IL24: variants seen among roughly 807,000 people sequenced by gnomAD.
The protein encoded by IL24 is interleukin 24.
A neutral mutation model predicts 27.6 loss-of-function variants in IL24; 24 were observed. The ratio of observed to expected loss-of-function variants is 0.87; its 90% CI spans 0.63 to 1.22. IL24 has a LOEUF of 1.22. Among genes scored for constraint, IL24 ranks in the 50% most tolerant of loss-of-function variants. The pLI, the probability that IL24 is intolerant of heterozygous loss-of-function variation, is 0.00. For missense variants in IL24, 240 were observed against 237.0 expected (o/e 1.01, Z -0.08); for synonymous variants, 99 against 93.1 (o/e 1.06, Z -0.36).
chr1:206,899,276 G>T, intron 2 of IL24, 44 bp from the exon 3 acceptor site: 1 of 1,595,294 alleles, frequency 6.3e-7, no homozygotes. Context: ...GTAACTCTGG[G>T]TCAGAGGGCC....
intron 3 of IL24, 130 bp downstream of exon 3, chr1:206,899,645 T>TA (rs1319055550): frequency 1.1e-5 from 8 of 726,136 alleles, no homozygotes; most frequent in Non-Finnish European, 1.7e-5. Context: ...GTTTCCCATA[T>TA]AATAACTCTG....
intron 6 of IL24, 123 bp from the exon 7 acceptor site, chr1:206,902,853 G>A (rs539240855): frequency 6.4e-7 from 1 of 1,569,898 alleles, no homozygotes; most frequent in East Asian, 2.3e-5. Context: ...TTCATCAGTG[G>A]GCTCATCCCA....
At chr1:206,901,431 G>A (rs764295147) in intron 4 of IL24, 63 bp from the exon 5 acceptor site, 6 of 1,537,912 alleles carry the variant, frequency 3.9e-6, no homozygotes, top group Non-Finnish European at 5.2e-6. Flanking sequence ...CATGTGGGTT[G>A]TTCCTTCAGG....
chr1:206,902,900 T>G (rs1678451697), intron 6 of IL24, 76 bp from the exon 7 acceptor site: 1 of 1,611,112 alleles, frequency 6.2e-7, no homozygotes, highest in Admixed American at 1.7e-5. Flanking sequence ...TCAGGTCTAT[T>G]TTAGGCATGG....
rs1475724075 is a variant in IL24 at position 206,903,817 on chromosome 1, AT to A, written c.*759del. The A allele has an allele frequency of 1.3e-5, 2 of 152,114 alleles. No individual in the cohort carries two copies. The highest frequency in any genetic ancestry group is 2.9e-5 in the Non-Finnish European group (2 of 68,028). 9.4% of individuals were successfully genotyped at this position (152,114 alleles called of 1,614,324 possible). On this transcript the variant is annotated 3_prime_UTR_variant, in exon 7 of 7. Coordinates refer to ENST00000294984, the MANE Select transcript of IL24 (RefSeq NM_006850.3). ...TGGTGACATTGCACCTGGATGTACT[AT>A]CCAATCTGTGATGACATTCCCTGCT...
At chr1:206,902,199 C>T in intron 6 of IL24, 127 bp downstream of exon 6, 1 of 1,432,218 alleles carries the variant, frequency 7.0e-7, no homozygotes, top group Non-Finnish European at 9.1e-7. Context: ...GCTCCAAAGC[C>T]CCCTGACTTA....
rs778835664 is a variant in IL24, at chr1:206,902,023, G to C, written c.488G>C (p.Arg163Thr). Residue 163 changes from arginine to threonine, a missense_variant, in exon 6 of 7, where the codon AGA becomes ACA. By Grantham distance (71) the Arg-to-Thr change is moderately conservative. Coordinates refer to ENST00000294984, the MANE Select transcript of IL24 (RefSeq NM_006850.3). ...CAAGAAAATGAGATGTTTTCCATCA[G>C]AGACAGTGCACACAGGCGGTTTCTG... is the stretch of plus-strand genomic sequence containing the variant. The part of the protein sequence containing the change: ...PSQENEMFSI[R>T]DSAHRRFLLF... The C allele has an allele frequency of 1.9e-6, 3 of 1,614,124 alleles. No individual in the cohort carries two copies. In the South Asian group the frequency reaches 3.3e-5, roughly 18 times the overall value.
intron 2 of IL24, 89 bp from the exon 3 acceptor site, chr1:206,899,231 C>G: frequency 2.2e-6 from 3 of 1,364,346 alleles, no homozygotes; most frequent in Non-Finnish European, 3.0e-6. Flanking sequence ...TCGAGATTGG[C>G]CCGGGGAGAC....
In IL24 at chr1:206,903,973, G is replaced by A. The variant is rs1678507453; in HGVS notation, c.*914G>A. 6.6e-6 allele frequency: 1 copy of A among 152,366 alleles called. No individual in the cohort carries two copies. The highest frequency in any genetic ancestry group is 1.5e-5 in the Non-Finnish European group (1 of 68,054). The allele number at this position is 152,366 out of a possible 1,614,324, so 9.4% of individuals were successfully genotyped here. On this transcript the variant is annotated 3_prime_UTR_variant, in exon 7 of 7. Transcript: ENST00000294984. ...AGCAAGGCTGTGCATCTAGCCTCAA[G>A]CTCTGGCTGAACTTTGTGGTCGACA...
In IL24 at chr1:206,901,993, T is replaced by C. The variant is rs376493626; in HGVS notation, c.463-5T>C. ...TGGCACAACTTCTTTTCCCATGTTA[T>C]GTAGCAAGAAAATGAGATGTTTTCC... On this transcript the variant is annotated splice_polypyrimidine_tract_variant and splice_region_variant and intron_variant, in intron 5 of 6. Coordinates refer to ENST00000294984, the MANE Select transcript of IL24 (RefSeq NM_006850.3). 33 of 1,613,882 alleles carry C rather than the reference T, an allele frequency of 2.0e-5. No homozygotes were observed. The highest frequency in any genetic ancestry group is 2.6e-5 in the Non-Finnish European group (31 of 1,179,930).
chr1:206,902,609 T>C, intron 6 of IL24: 1 of 985,052 alleles, frequency 1.0e-6, no homozygotes, highest in Non-Finnish European at 1.2e-6. Flanking sequence ...TTTAAATAAA[T>C]GGTGAAGAGC....
chr1:206,900,599 A>G (rs1304747583), intron 4 of IL24, among the ~76,000 whole-genome samples: 2 of 152,214 alleles, frequency 1.3e-5, no homozygotes, highest in Non-Finnish European at 2.9e-5. Flanking sequence ...TTCTCCATTT[A>G]GCCAGAGAAT....
Position 206,897,630 on chromosome 1 carries a change from T to G in IL24, c.-103+15T>G. On this transcript the variant is annotated intron_variant, in intron 1 of 6. Transcript: ENST00000294984. The stretch of plus-strand genomic sequence containing the variant: ...CAGGACCAGAGGTGAGCATGGGGGA[T>G]TCTTGGTTACTTTTTTTTGAAGGAC... 2 of 450,436 alleles carry G rather than the reference T, an allele frequency of 4.4e-6. No individual in the cohort carries two copies. Among genetic ancestry groups the G allele is most frequent in the Non-Finnish European group, 8.0e-6 (2 of 250,660 alleles). The allele number at this position is 450,436 out of a possible 1,614,324, so 27.9% of individuals were successfully genotyped here. A position where few individuals can be genotyped will look rare whatever the true frequency, so the allele number is the denominator to read the frequency against.
At chr1:206,898,986 C>T (rs912675274) in intron 2 of IL24, among the ~76,000 whole-genome samples, 2 of 152,202 alleles carry the variant, frequency 1.3e-5, no homozygotes, top group African/African-American at 4.8e-5. Context: ...CCCATTTCTC[C>T]ACTCTTCTGG....
At chr1:206,899,577 G>A in intron 3 of IL24, 62 bp downstream of exon 3, 1 of 1,321,204 alleles carries the variant, frequency 7.6e-7, no homozygotes, top group Non-Finnish European at 1.0e-6. Context: ...GGCCAGTGGG[G>A]CGAGGGGATG....
In IL24 at chr1:206,903,271, AG is replaced by A; in HGVS notation, c.*213del. 3 of 518,414 alleles carry A rather than the reference AG, an allele frequency of 5.8e-6. No individual in the cohort carries two copies. The East Asian group carries it at 9.2e-5, about 16-fold the overall frequency. The allele number at this position is 518,414 out of a possible 1,614,324, so 32.1% of individuals were successfully genotyped here. On this transcript the variant is annotated 3_prime_UTR_variant, in exon 7 of 7. Coordinates refer to ENST00000294984, the MANE Select transcript of IL24 (RefSeq NM_006850.3). ...TCTGGATGCTGTGAAGAGTCTACAGAGAAGATTCTTGTATTTATTACAACTC... is the reference window on the plus strand; with the variant it reads ...TCTGGATGCTGTGAAGAGTCTACAGAAAGATTCTTGTATTTATTACAACTC...
intron 3 of IL24, 39 bp from the exon 4 acceptor site, chr1:206,900,256 C>T: frequency 6.3e-7 from 1 of 1,591,588 alleles, no homozygotes; most frequent in Non-Finnish European, 8.6e-7. Flanking sequence ...TCTATGCTGA[C>T]CCCTAACCTG....
rs538177298 is a variant in IL24 at position 206,899,062 on chromosome 1, C to T, written c.45-258C>T. Among the ~76,000 whole-genome samples, 3 of 152,102 alleles carry T rather than the reference C, an allele frequency of 2.0e-5. No homozygotes were observed. The South Asian group carries it at 6.2e-4, about 32-fold the overall frequency. On this transcript the variant is annotated intron_variant, in intron 2 of 6. Transcript: ENST00000294984. ...CGATGGAGAAGGAGGAGGTGCAGGGCGTGTGGGTGTGGACGGGCAAGGTGG... is the reference window on the plus strand; with the variant it reads ...CGATGGAGAAGGAGGAGGTGCAGGGTGTGTGGGTGTGGACGGGCAAGGTGG...
rs767941768 is a variant in IL24 at position 206,897,791 on chromosome 1, G to A, written c.-42G>A. ...CCAATTTAACACCAAGAAGAATTGA[G>A]GCTGCTTGGGAGGAAGGCCAGGAGG... On this transcript the variant is annotated 5_prime_UTR_variant, in exon 2 of 7. Coordinates refer to ENST00000294984, the MANE Select transcript of IL24 (RefSeq NM_006850.3). 1 of 1,610,608 alleles carries A rather than the reference G, an allele frequency of 6.2e-7. No homozygotes were observed. The highest frequency in any genetic ancestry group is 1.1e-5 in the South Asian group (1 of 90,458).
Sources: gnomAD v4.1 joint callset for allele counts (sites outside exome capture counted in the v4.1 genomes callset) on GRCh38, gnomAD v4.1.1 for gene constraint, MANE v1.5 for transcripts, NCBI Gene and HGNC (gene_info 2026-07-23, HGNC 2026-07-21) for gene names.